The following PRELID2 variants were observed in gnomAD, a reference collection of about 807,000 sequenced individuals.
PRELID2 encodes PRELI domain containing 2, also known as PRELI domain-containing protein 2.
In PRELID2, 25 loss-of-function variants were observed where a neutral mutation model predicts 28.4. The observed-to-expected ratio is 0.88, with a 90% CI of 0.64 to 1.23. The LOEUF is 1.23. Among genes scored for constraint, PRELID2 ranks in the 50% most tolerant of loss-of-function variants. The pLI, the probability that PRELID2 is intolerant of heterozygous loss-of-function variation, is 0.00. For synonymous variants in PRELID2, 76 were observed against 71.6 expected (o/e 1.06, Z -0.31); for missense variants, 201 against 214.4 (o/e 0.94, Z 0.39).
chr5:145,780,292 C>T (rs780109409), intron 5 of PRELID2, among the ~76,000 whole-genome samples: 21 of 152,300 alleles, frequency 1.4e-4, no homozygotes, highest in Middle Eastern at 3.4e-3. Flanking sequence ...AGTGAGACTC[C>T]GCCTCAAAAC....
In PRELID2 at chr5:145,485,467, C is replaced by G. The variant is rs116595828; in HGVS notation, n.71-12152G>C. Among the ~76,000 whole-genome samples, 968 of 152,344 alleles carry G rather than the reference C, an allele frequency of 6.4e-3. 8 individuals are homozygous for G. The highest frequency in any genetic ancestry group is 0.017 in the Middle Eastern group (5 of 294). On this transcript the variant is annotated intron_variant and non_coding_transcript_variant, in intron 1 of 2. Coordinates refer to the PRELID2 transcript ENST00000510259. ...GAGATAATCTTACCTAGAGCACATT[C>G]AGAATGAGTGCATGTATGTAGAGCG...
chr5:145,362,957 T>C, the PRELID2 span, among the ~76,000 whole-genome samples: 2 of 151,760 alleles, frequency 1.3e-5, no homozygotes, highest in African/African-American at 4.8e-5. Flanking sequence ...TACCTCAACC[T>C]CTTCTTCTCT....
At chr5:145,477,742 T>C (rs960625153) in intron 1 of PRELID2, among the ~76,000 whole-genome samples, 1 of 152,174 alleles carries the variant, frequency 6.6e-6, no homozygotes, top group Non-Finnish European at 1.5e-5. Flanking sequence ...TAGCTTTAAA[T>C]AAAATTTTAT....
intron 1 of PRELID2, among the ~76,000 whole-genome samples, chr5:145,616,148 G>A (rs933178222): frequency 2.0e-5 from 3 of 152,106 alleles, no homozygotes; most frequent in Admixed American, 2.0e-4. Flanking sequence ...GTTACCTGGT[G>A]GTGTTGTCTC....
chr5:145,650,824 G>C (rs190286997), intron 1 of PRELID2, among the ~76,000 whole-genome samples: 4 of 152,106 alleles, frequency 2.6e-5, no homozygotes, highest in African/African-American at 9.6e-5. Flanking sequence ...ACAGCTCCCA[G>C]TGTGAGCGAT....
At chr5:145,370,541 G>A in the PRELID2 span, among the ~76,000 whole-genome samples, 5 of 152,078 alleles carry the variant, frequency 3.3e-5, no homozygotes, top group African/African-American at 1.2e-4. Context: ...AGTACAGTTT[G>A]AAGTCAGGTA....
chr5:145,823,107 T>A lies in PRELID2; in HGVS notation c.103A>T (p.Ile35Phe). The part of the protein sequence containing the change: ...KYPNPMDKNV[I>F]SVKIMEEKRD... ...TTTTCCTCCATGATTTTTACTGAGA[T>A]GACATTTTTATCCATGGGGTTGGGG... The change falls in exon 2 of 7, where the codon ATC becomes TTC. Residue 35 changes from isoleucine to phenylalanine, a missense_variant. Ile to Phe is a conservative substitution (Grantham distance 21). Transcript: ENST00000683046. 6.5e-7 allele frequency: 1 copy of A among 1,538,672 alleles called. No homozygotes were observed. The highest frequency in any genetic ancestry group is 1.4e-5 in the African/African-American group (1 of 73,424).
chr5:145,300,375 A>T, the PRELID2 span, among the ~76,000 whole-genome samples: 8 of 152,052 alleles, frequency 5.3e-5, no homozygotes, highest in East Asian at 1.5e-3. Flanking sequence ...GCTCATTCCT[A>T]CTCCATTAGT....
chr5:145,285,197 T>C, the PRELID2 span, among the ~76,000 whole-genome samples: 1 of 152,144 alleles, frequency 6.6e-6, no homozygotes, highest in African/African-American at 2.4e-5. Context: ...CTGTTATTCA[T>C]ACTATCAGTC....
the PRELID2 span, among the ~76,000 whole-genome samples, chr5:145,319,243 T>G: frequency 6.6e-6 from 1 of 152,114 alleles, no homozygotes; most frequent in Non-Finnish European, 1.5e-5. Context: ...CTACCCAATA[T>G]CTCCCTGCTT....
At chr5:145,470,408 A>T (rs1752043207), downstream of PRELID2, among the ~76,000 whole-genome samples, 1 of 152,164 alleles carries the variant, frequency 6.6e-6, no homozygotes, top group South Asian at 2.1e-4. Flanking sequence ...CCCATCTACT[A>T]AGTAATCGTA....
chr5:145,727,205 A>C (rs1756194493), intron 1 of PRELID2, among the ~76,000 whole-genome samples: 1 of 152,270 alleles, frequency 6.6e-6, no homozygotes, highest in African/African-American at 2.4e-5. Flanking sequence ...AATCTAGGAG[A>C]CTGGGAGGGC....
chr5:145,657,956 C>A (rs1754424610), intron 1 of PRELID2, among the ~76,000 whole-genome samples: 1 of 152,206 alleles, frequency 6.6e-6, no homozygotes, highest in Admixed American at 6.5e-5. Context: ...CCCATCTCAT[C>A]CCATATTCTA....
chr5:145,291,336 A>AC, the PRELID2 span, among the ~76,000 whole-genome samples: 13 of 137,894 alleles, frequency 9.4e-5, no homozygotes, highest in Admixed American at 6.5e-4. Context: ...ACTCTGTTTC[A>AC]GAAAAAAAAA....
At chr5:145,357,332 T>C in the PRELID2 span, among the ~76,000 whole-genome samples, 3 of 152,230 alleles carry the variant, frequency 2.0e-5, no homozygotes, top group Non-Finnish European at 4.4e-5. Flanking sequence ...GAAATATGTT[T>C]TCCAATTTGC....
chr5:145,395,833 C>T, the PRELID2 span, among the ~76,000 whole-genome samples: 160 of 152,220 alleles, frequency 1.1e-3, 1 homozygote, highest in African/African-American at 3.7e-3. Context: ...GCTCAGCCAG[C>T]CACTCATGTT....
the PRELID2 span, among the ~76,000 whole-genome samples, chr5:145,451,712 G>C: frequency 1.3e-5 from 2 of 152,132 alleles, no homozygotes; most frequent in Non-Finnish European, 1.5e-5. Context: ...TCAGGAGTAA[G>C]TTCAAATCAT....
chr5:145,467,922 A>AT (rs200877652), downstream of PRELID2, among the ~76,000 whole-genome samples: 1 of 147,098 alleles, frequency 6.8e-6, no homozygotes, highest in African/African-American at 2.6e-5. Context: ...TTATATATAT[A>AT]TTTTTTTATT....
the PRELID2 span, chr5:145,381,738 T>C: frequency 3.3e-5 from 5 of 152,268 alleles, no homozygotes; most frequent in African/African-American, 1.2e-4. Flanking sequence ...AAACAAGACA[T>C]TCTTATAAAA....
Sources: allele counts gnomAD v4.1 joint callset (sites outside exome capture counted in the v4.1 genomes callset), GRCh38; gene constraint gnomAD v4.1.1; transcripts MANE v1.5; gene names NCBI Gene and HGNC (gene_info 2026-07-23, HGNC 2026-07-21).